CNBD1: variants seen among roughly 807,000 people sequenced by gnomAD.
CNBD1 encodes the protein cyclic nucleotide-binding domain-containing protein 1.
CNBD1 carries 71 observed loss-of-function variants against 54.4 expected under a neutral mutation model. The observed-to-expected ratio is 1.30, with a 90% CI of 1.08 to 1.59. The LOEUF is 1.59. Among genes scored for constraint, CNBD1 ranks in the 40% most tolerant of loss-of-function variants. CNBD1 has a pLI of 0.00. For missense variants in CNBD1, 659 were observed against 518.0 expected (o/e 1.27, Z -2.64); for synonymous variants, 182 against 170.7 (o/e 1.07, Z -0.51).
chr8:87,398,415 G>C (rs1167200557), intron 2 of CNBD1, among the ~76,000 whole-genome samples: 1 of 151,850 alleles, frequency 6.6e-6, no homozygotes, highest in Non-Finnish European at 1.5e-5. Context: ...TTGTGGACCA[G>C]TTTGTTGATA....
chr8:87,234,407 A>C (rs1807530225), intron 5 of CNBD1, among the ~76,000 whole-genome samples: 1 of 152,178 alleles, frequency 6.6e-6, no homozygotes, highest in Non-Finnish European at 1.5e-5. Flanking sequence ...TAAAACTTAA[A>C]AGTTGAAATT....
chr8:86,980,813 G>A lies in CNBD1; in HGVS notation c.431+41059G>A, dbSNP rs75166969. On this transcript the variant is annotated intron_variant, in intron 4 of 10. Transcript: ENST00000518476. ...TATTATTTTTACCATTTTAACAGAT[G>A]GGTAAACCCGAGTTTGCTAATATTT... Among the ~76,000 whole-genome samples the A allele has an allele frequency of 7.8e-3, 1,192 of 152,248 alleles. 21 individuals carry two copies. The East Asian group carries it at 0.084, about 11-fold the overall frequency.
intron 4 of CNBD1, among the ~76,000 whole-genome samples, chr8:87,063,826 T>C (rs182803389): frequency 3.9e-5 from 6 of 152,162 alleles, no homozygotes; most frequent in Admixed American, 3.9e-4. Flanking sequence ...ATATATCTTT[T>C]GTTGAATTAT....
chr8:87,148,922 A>C (rs1812544341), intron 4 of CNBD1, among the ~76,000 whole-genome samples: 2 of 152,090 alleles, frequency 1.3e-5, no homozygotes, highest in African/African-American at 2.4e-5. Flanking sequence ...CAAACAAAAA[A>C]CTCAGGCAAT....
At chr8:87,149,686 C>G (rs749257434) in intron 4 of CNBD1, among the ~76,000 whole-genome samples, 1 of 152,080 alleles carries the variant, frequency 6.6e-6, no homozygotes, top group African/African-American at 2.4e-5. Flanking sequence ...GACTGACCTA[C>G]AGAGCATGAC....
intron 4 of CNBD1, among the ~76,000 whole-genome samples, chr8:87,098,783 AT>A (rs1811367983): frequency 2.0e-5 from 3 of 151,650 alleles, no homozygotes; most frequent in Admixed American, 1.3e-4. Flanking sequence ...CATGCGTGTA[AT>A]CTCAGCACTT....
At chr8:87,113,522 T>A (rs1214389045) in intron 4 of CNBD1, among the ~76,000 whole-genome samples, 1 of 152,200 alleles carries the variant, frequency 6.6e-6, no homozygotes, top group South Asian at 2.1e-4. Flanking sequence ...GTTATTATGT[T>A]GACAAAGAAA....
intron 2 of CNBD1, among the ~76,000 whole-genome samples, chr8:86,893,723 T>C (rs1183703545): frequency 1.3e-5 from 2 of 152,184 alleles, no homozygotes; most frequent in African/African-American, 4.8e-5. Context: ...GCATGATACA[T>C]AGCTGACATT....
intron 4 of CNBD1, among the ~76,000 whole-genome samples, chr8:86,944,094 A>C (rs1465177939): frequency 6.6e-6 from 1 of 152,220 alleles, no homozygotes; most frequent in South Asian, 2.1e-4. Flanking sequence ...CTGAGTTTAC[A>C]TGCAATTGGC....
rs1419667259 is a variant in CNBD1, at chr8:86,965,972, C to A, written c.431+26218C>A. On this transcript the variant is annotated intron_variant, in intron 4 of 10. Transcript: ENST00000518476. ...GTACCTCCTCTCTGCAGCTGGTCCT[C>A]CTGTCCTGTCTCTGCCTTCTTCATC... 2.0e-5 allele frequency among the ~76,000 whole-genome samples: 3 copies of A among 152,106 alleles called. No homozygotes were observed. The East Asian group carries it at 5.8e-4, about 29-fold the overall frequency.
intron 8 of CNBD1, among the ~76,000 whole-genome samples, chr8:87,329,012 C>G (rs1275197269): frequency 6.6e-6 from 1 of 151,760 alleles, no homozygotes; most frequent in Admixed American, 6.6e-5. Flanking sequence ...GTTATTCCTT[C>G]CTAGGAGTTT....
chr8:87,285,865 C>T (rs368835217), intron 7 of CNBD1, among the ~76,000 whole-genome samples: 43 of 152,146 alleles, frequency 2.8e-4, no homozygotes, highest in East Asian at 1.9e-3. Flanking sequence ...AGTGAAACTC[C>T]GTCTCAAAAA....
intron 3 of CNBD1, among the ~76,000 whole-genome samples, chr8:86,915,219 A>G (rs946653125): frequency 3.4e-5 from 5 of 146,542 alleles, no homozygotes; most frequent in African/African-American, 1.4e-4. Context: ...GGGTGGGGCC[A>G]CAGGAGCAGT....
intron 6 of CNBD1, among the ~76,000 whole-genome samples, chr8:87,253,170 T>C (rs1433335355): frequency 6.6e-6 from 1 of 152,134 alleles, no homozygotes; most frequent in African/African-American, 2.4e-5. Flanking sequence ...TCTTTTTCCC[T>C]TTACTCACTT....
At chr8:86,979,276 A>G (rs574031183) in intron 4 of CNBD1, among the ~76,000 whole-genome samples, 3 of 151,942 alleles carry the variant, frequency 2.0e-5, no homozygotes, top group Non-Finnish European at 4.4e-5. Context: ...ATAATAAATA[A>G]CACTGAGGGC....
At chr8:87,267,772 G>A (rs1808291893) in intron 6 of CNBD1, among the ~76,000 whole-genome samples, 1 of 151,770 alleles carries the variant, frequency 6.6e-6, no homozygotes, top group Non-Finnish European at 1.5e-5. Flanking sequence ...CCAGATAGTG[G>A]GCCCAAAGTA....
chr8:87,377,359 G>A (rs1411221841), intron 10 of CNBD1, among the ~76,000 whole-genome samples: 2 of 146,148 alleles, frequency 1.4e-5, no homozygotes, highest in Non-Finnish European at 3.0e-5. Context: ...GTGTCCATGT[G>A]TTCTCCTTGT....
intron 3 of CNBD1, among the ~76,000 whole-genome samples, chr8:86,934,058 G>A (rs913803129): frequency 2.6e-5 from 4 of 152,050 alleles, no homozygotes; most frequent in Admixed American, 2.6e-4. Flanking sequence ...TTATTTTACA[G>A]GAGAATGCCT....
At chr8:87,098,653 T>C (rs754517238) in intron 4 of CNBD1, among the ~76,000 whole-genome samples, 27 of 151,962 alleles carry the variant, frequency 1.8e-4, no homozygotes, top group Non-Finnish European at 3.7e-4. Context: ...ACATAGAGTT[T>C]GATTTATTCA....
Sources: gnomAD v4.1 joint callset for allele counts (sites outside exome capture counted in the v4.1 genomes callset) on GRCh38, gnomAD v4.1.1 for gene constraint, MANE v1.5 for transcripts, NCBI Gene and HGNC (gene_info 2026-07-23, HGNC 2026-07-21) for gene names.